FAM81B: variants seen among roughly 807,000 people sequenced by gnomAD.
The protein encoded by FAM81B is family with sequence similarity 81 member B.
FAM81B carries 60 observed loss-of-function variants against 58.7 expected under a neutral mutation model. The ratio of observed to expected loss-of-function variants is 1.02; its 90% CI spans 0.83 to 1.27. The LOEUF is 1.27. Among genes scored for constraint, FAM81B ranks in the 50% most tolerant of loss-of-function variants. The pLI is 0.00. For synonymous variants in FAM81B, 189 were observed against 179.6 expected, an observed-to-expected ratio of 1.05 and a Z score of -0.42; for missense variants, 491 against 522.0, an observed-to-expected ratio of 0.94 and a Z score of 0.58.
At chr5:95,397,022 T>C (rs1054886253) in intron 3 of FAM81B, 1 of 152,234 alleles carries the variant, frequency 6.6e-6, no homozygotes, top group Non-Finnish European at 1.5e-5. Context: ...TGAAATGAGT[T>C]CATGTGAAGA....
At chr5:95,399,451 C>A (rs1488167913) in intron 3 of FAM81B, among the ~76,000 whole-genome samples, 3 of 152,100 alleles carry the variant, frequency 2.0e-5, no homozygotes, top group Non-Finnish European at 4.4e-5. Context: ...ACAGTGCAGT[C>A]TTTTGGTCTT....
At chr5:95,416,172 T>C (rs1762533165) in intron 4 of FAM81B, among the ~76,000 whole-genome samples, 1 of 152,228 alleles carries the variant, frequency 6.6e-6, no homozygotes, top group South Asian at 2.1e-4. Flanking sequence ...CAGCTACCTT[T>C]AGTAAATAAC....
At chr5:95,397,640 G>C (rs1365838359) in intron 3 of FAM81B, among the ~76,000 whole-genome samples, 1 of 152,148 alleles carries the variant, frequency 6.6e-6, no homozygotes, top group Non-Finnish European at 1.5e-5. Flanking sequence ...TTGGCTTTCA[G>C]ATAAATTAAA....
intron 7 of FAM81B, chr5:95,440,218 T>C: frequency 1.5e-6 from 1 of 659,166 alleles, no homozygotes; most frequent in South Asian, 1.4e-5. Flanking sequence ...GACTGGCTTC[T>C]CGGTCTAGCT....
chr5:95,423,808 A>G (rs994746990), intron 5 of FAM81B, among the ~76,000 whole-genome samples: 1 of 152,202 alleles, frequency 6.6e-6, no homozygotes, highest in Non-Finnish European at 1.5e-5. Context: ...CACTTACCAA[A>G]TATTGTGACA....
chr5:95,430,383 G>GTATA (rs34262078), intron 6 of FAM81B, among the ~76,000 whole-genome samples: 4,938 of 147,500 alleles, frequency 0.033, 286 homozygotes, highest in African/African-American at 0.11. Flanking sequence ...CAAAAATAGT[G>GTATA]TATATATATA....
At chr5:95,434,082 A>G (rs934505161) in intron 6 of FAM81B, among the ~76,000 whole-genome samples, 1 of 152,180 alleles carries the variant, frequency 6.6e-6, no homozygotes, top group African/African-American at 2.4e-5. Flanking sequence ...TTAACAAATT[A>G]CCATAAACAT....
intron 3 of FAM81B, among the ~76,000 whole-genome samples, chr5:95,398,944 A>G (rs753172424): frequency 7.2e-5 from 11 of 152,220 alleles, no homozygotes; most frequent in Non-Finnish European, 1.6e-4. Flanking sequence ...CTGGGATTCT[A>G]TTTGAAAGTC....
In FAM81B at chr5:95,422,764, G is replaced by T. The variant is rs1021456710; in HGVS notation, c.656+2362G>T. Among the ~76,000 whole-genome samples the T allele has an allele frequency of 2.0e-5, 3 of 152,070 alleles. No individual in the cohort carries two copies. In the South Asian group the frequency reaches 6.2e-4, roughly 31 times the overall value. On this transcript the variant is annotated intron_variant, in intron 5 of 9. Transcript: ENST00000283357. ...CTTACAAACCAATTATTTTATTTTT[G>T]TAAACCCTGTTTTATTTACAAGACA... is the stretch of plus-strand genomic sequence containing the variant.
intron 5 of FAM81B, among the ~76,000 whole-genome samples, chr5:95,427,251 G>C (rs1203602165): frequency 6.6e-6 from 1 of 152,068 alleles, no homozygotes. Flanking sequence ...GCAGTCTTTG[G>C]GGGTCTTAAT....
Position 95,402,757 on chromosome 5 carries a change from C to T in FAM81B, c.293+6582C>T, listed in dbSNP as rs188850871. ...TGACATTAGCCAATAGCACCTCACCCGCAAGAGTGAGGCCCTGGGACCCTC... is the reference window on the plus strand; with the variant it reads ...TGACATTAGCCAATAGCACCTCACCTGCAAGAGTGAGGCCCTGGGACCCTC... On this transcript the variant is annotated intron_variant, in intron 3 of 9. Transcript: ENST00000283357. Among the ~76,000 whole-genome samples the T allele has an allele frequency of 2.9e-3, 436 of 152,330 alleles. 3 individuals carry two copies. The highest frequency in any genetic ancestry group is 1.0e-2 in the African/African-American group (414 of 41,558).
chr5:95,433,592 A>T (rs1056819393), intron 6 of FAM81B, among the ~76,000 whole-genome samples: 2 of 152,150 alleles, frequency 1.3e-5, no homozygotes, highest in African/African-American at 2.4e-5. Context: ...GTAGGTAAAA[A>T]TTTTAATATA....
chr5:95,440,556 G>A lies in FAM81B; in HGVS notation c.893+3650G>A, dbSNP rs545869105. The A allele has an allele frequency of 1.1e-5, 6 of 571,136 alleles. No homozygotes were observed. The Admixed American group carries it at 1.2e-4, about 11-fold the overall frequency. 35.4% of individuals were successfully genotyped at this position (571,136 alleles called of 1,614,324 possible). On this transcript the variant is annotated intron_variant, in intron 7 of 9. Transcript: ENST00000283357. ...AGGAGATGCAGTTCTTAATGAAGCT[G>A]CTCAAATTCTGCAATTACTGCATAT...
intron 7 of FAM81B, among the ~76,000 whole-genome samples, chr5:95,437,536 C>T (rs1476826317): frequency 2.0e-5 from 3 of 152,082 alleles, no homozygotes; most frequent in African/African-American, 7.2e-5. Flanking sequence ...GACCGGGTTT[C>T]TCCATGTTGA....
In FAM81B at chr5:95,439,232, A is replaced by G. The variant is rs961410368; in HGVS notation, c.893+2326A>G. 3.4e-4 allele frequency among the ~76,000 whole-genome samples: 39 copies of G among 115,250 alleles called. No individual in the cohort carries two copies. In the East Asian group the frequency reaches 3.6e-3, roughly 11 times the overall value. The allele number at this position is 115,250 out of a possible 152,430, so 75.6% of individuals were successfully genotyped here. ...TTCTATAGGCAAGCTTGCTAGGTTA[A>G]AGAGTATATATATATATATATATAT... On this transcript the variant is annotated intron_variant, in intron 7 of 9. Coordinates refer to ENST00000283357, the MANE Select transcript of FAM81B (RefSeq NM_152548.3).
Position 95,436,835 on chromosome 5 carries a change from T to C in FAM81B, c.822T>C (p.Ser274=). The change falls in exon 7 of 10, where the codon AGT becomes AGC. Residue 274 remains serine, a synonymous_variant. Coordinates refer to ENST00000283357, the MANE Select transcript of FAM81B (RefSeq NM_152548.3). The stretch of plus-strand genomic sequence containing the variant: ...TCTTAGGAAAGATAGAAACTGCCAG[T>C]TCTGAGCAAACCTCGAATTTAAAGA... ...MQLLGKIETA[S]SEQTSNLKMV... The C allele has an allele frequency of 6.2e-7, 1 of 1,614,086 alleles. No individual in the cohort carries two copies. Among genetic ancestry groups the C allele is most frequent in the Non-Finnish European group, 8.5e-7 (1 of 1,179,934 alleles).
chr5:95,400,811 G>A (rs544866965), intron 3 of FAM81B, among the ~76,000 whole-genome samples: 9 of 152,054 alleles, frequency 5.9e-5, no homozygotes, highest in South Asian at 4.2e-4. Flanking sequence ...GCCCTCTTCC[G>A]GGCAACCTCA....
intron 3 of FAM81B, among the ~76,000 whole-genome samples, chr5:95,412,737 T>C (rs766646753): frequency 6.6e-6 from 1 of 152,202 alleles, no homozygotes; most frequent in Non-Finnish European, 1.5e-5. Context: ...AAATAAATGT[T>C]TATAAAGTGC....
At chr5:95,440,437 TG>T in intron 7 of FAM81B, 1 of 650,142 alleles carries the variant, frequency 1.5e-6, no homozygotes, top group Non-Finnish European at 3.0e-6. Flanking sequence ...ATTCGAATTT[TG>T]GTTCAGGAGC....
Sources: gnomAD v4.1 joint callset for allele counts (sites outside exome capture counted in the v4.1 genomes callset) on GRCh38, gnomAD v4.1.1 for gene constraint, MANE v1.5 for transcripts, NCBI Gene and HGNC (gene_info 2026-07-23, HGNC 2026-07-21) for gene names.